The following ZFHX3 variants were observed in gnomAD, a reference collection of about 807,000 sequenced individuals.
ZFHX3 encodes zinc finger homeobox 3, also known as zinc finger homeobox protein 3.
Under a neutral mutation model 279.1 loss-of-function variants are expected in ZFHX3, and 42 were observed. That is an observed-to-expected ratio of 0.15 (90% CI 0.12 to 0.19). ZFHX3 has a LOEUF of 0.19. ZFHX3 is among the 10% of genes least tolerant of loss of function. The pLI is 1.00. For missense variants in ZFHX3, 4,981 were observed against 4,754.0 expected, an observed-to-expected ratio of 1.05 and a Z score of -1.40; for synonymous variants, 2,293 against 1,957.8, an observed-to-expected ratio of 1.17 and a Z score of -4.52.
chr16:73,539,355 C>G (rs2019968159), intron 2 of ZFHX3, among the ~76,000 whole-genome samples: 1 of 151,606 alleles, frequency 6.6e-6, no homozygotes, highest in South Asian at 2.1e-4. Context: ...AGCCCCCAAC[C>G]CCCTGAACAT....
intron 5 of ZFHX3, among the ~76,000 whole-genome samples, chr16:73,194,330 G>A (rs1016961621): frequency 6.6e-6 from 1 of 152,088 alleles, no homozygotes; most frequent in Non-Finnish European, 1.5e-5. Context: ...CTCCAGAGTA[G>A]CTGGCACTAT....
At chr16:73,644,193 G>A (rs2052597865) in intron 2 of ZFHX3, among the ~76,000 whole-genome samples, 2 of 151,970 alleles carry the variant, frequency 1.3e-5, no homozygotes, top group Non-Finnish European at 2.9e-5. Flanking sequence ...TCTTGGTTAA[G>A]GCATTAAAAT....
At chr16:72,904,247 T>C (rs2039111580) in intron 3 of ZFHX3, among the ~76,000 whole-genome samples, 1 of 151,794 alleles carries the variant, frequency 6.6e-6, no homozygotes, top group African/African-American at 2.4e-5. Context: ...GCTCCTATAA[T>C]CCCAGCTACT....
chr16:73,058,427 C>T, intron 1 of ZFHX3: 1 of 178,058 alleles, frequency 5.6e-6, no homozygotes, highest in Non-Finnish European at 1.1e-5. Context: ...GCAGCCCGGG[C>T]GCCCCGAGGA....
At chr16:73,500,776 G>A (rs2019225226) in intron 2 of ZFHX3, among the ~76,000 whole-genome samples, 1 of 141,028 alleles carries the variant, frequency 7.1e-6, no homozygotes, top group South Asian at 2.3e-4. Context: ...GTTTTAAGCT[G>A]TGTTATTCCA....
At chr16:73,031,227 G>A (rs957883823) in intron 1 of ZFHX3, among the ~76,000 whole-genome samples, 15 of 152,074 alleles carry the variant, frequency 9.9e-5, no homozygotes, top group Admixed American at 1.3e-4. Flanking sequence ...ATTAATCTTC[G>A]TTTGAAAATG....
chr16:72,974,568 A>AACACACACACACACACAC lies in ZFHX3; in HGVS notation c.-49-14392_-49-14375dup, dbSNP rs59350988. ...CCCTTTGGAGGCTCACTGATAGGGC[A>AACACACACACACACACAC]ACACACACACACACACACACACACA... On this transcript the variant is annotated intron_variant, in intron 1 of 9. Transcript: ENST00000268489. Among the ~76,000 whole-genome samples the AACACACACACACACACAC allele has an allele frequency of 8.2e-3, 1,214 of 148,336 alleles. 18 individuals are homozygous for AACACACACACACACACAC. Among genetic ancestry groups the AACACACACACACACACAC allele is most frequent in the African/African-American group, 0.026 (1,028 of 40,056 alleles).
intron 1 of ZFHX3, among the ~76,000 whole-genome samples, chr16:73,848,037 G>A (rs1275400150): frequency 6.6e-6 from 1 of 151,178 alleles, no homozygotes; most frequent in Non-Finnish European, 1.5e-5. Context: ...GGGATTACAG[G>A]CGTGAGCCAC....
intron 1 of ZFHX3, among the ~76,000 whole-genome samples, chr16:73,749,679 A>T (rs745873684): frequency 1.3e-5 from 2 of 152,210 alleles, no homozygotes; most frequent in African/African-American, 4.8e-5. Context: ...CAGGGAAGAG[A>T]AAAGGCAGGA....
chr16:73,534,067 C>T (rs1013551644), intron 2 of ZFHX3, among the ~76,000 whole-genome samples: 1 of 152,152 alleles, frequency 6.6e-6, no homozygotes, highest in African/African-American at 2.4e-5. Context: ...GATGGCTCCT[C>T]CTTTCATTCA....
intron 5 of ZFHX3, among the ~76,000 whole-genome samples, chr16:73,206,932 C>A (rs997969989): frequency 2.0e-5 from 3 of 151,854 alleles, no homozygotes; most frequent in Non-Finnish European, 2.9e-5. Flanking sequence ...GTGGGAGAAT[C>A]ACTTGAACCT....
chr16:73,172,919 G>C (rs1475852616), intron 5 of ZFHX3, among the ~76,000 whole-genome samples: 2 of 148,298 alleles, frequency 1.3e-5, no homozygotes, highest in East Asian at 4.0e-4. Flanking sequence ...TCTCATGGTG[G>C]GGCTGCCTGT....
chr16:72,943,519 G>A (rs1327010360), intron 3 of ZFHX3, among the ~76,000 whole-genome samples: 1 of 152,102 alleles, frequency 6.6e-6, no homozygotes, highest in Non-Finnish European at 1.5e-5. Flanking sequence ...GTGACAGAGT[G>A]AGACCCAGTC....
At chr16:73,156,218 T>TGA (rs1967079136) in intron 5 of ZFHX3, among the ~76,000 whole-genome samples, 1 of 120,316 alleles carries the variant, frequency 8.3e-6, no homozygotes, top group Admixed American at 1.1e-4. Flanking sequence ...GGCGACAGAG[T>TGA]GAGACTCCCT....
At chr16:73,535,297 G>A (rs967396043) in intron 2 of ZFHX3, among the ~76,000 whole-genome samples, 7 of 152,122 alleles carry the variant, frequency 4.6e-5, no homozygotes, top group Non-Finnish European at 1.0e-4. Flanking sequence ...TTATTTAATC[G>A]TAAGTTTAAT....
At chr16:73,756,656 A>G (rs1188339553) in intron 1 of ZFHX3, among the ~76,000 whole-genome samples, 1 of 152,154 alleles carries the variant, frequency 6.6e-6, no homozygotes, top group African/African-American at 2.4e-5. Flanking sequence ...GAATAGGATG[A>G]CATTTCTAAG....
At chr16:73,653,028 T>C (rs896345068) in intron 2 of ZFHX3, among the ~76,000 whole-genome samples, 6 of 151,912 alleles carry the variant, frequency 3.9e-5, no homozygotes, top group East Asian at 1.9e-4. Context: ...ACTAAGAAGA[T>C]AGAAAAAGAA....
At chr16:73,105,444 C>CACACACACAT (rs1567389929) in intron 7 of ZFHX3, among the ~76,000 whole-genome samples, 10 of 125,524 alleles carry the variant, frequency 8.0e-5, no homozygotes, top group East Asian at 6.6e-4. Context: ...CACACACACA[C>CACACACACAT]ATATATATAT....
intron 2 of ZFHX3, among the ~76,000 whole-genome samples, chr16:73,664,930 T>C (rs1439272739): frequency 6.6e-6 from 1 of 152,208 alleles, no homozygotes; most frequent in Non-Finnish European, 1.5e-5. Flanking sequence ...ATTTAAAATA[T>C]GTAATGGGAT....
Sources: allele counts gnomAD v4.1 joint callset (sites outside exome capture counted in the v4.1 genomes callset), GRCh38; gene constraint gnomAD v4.1.1; transcripts MANE v1.5; gene names NCBI Gene and HGNC (gene_info 2026-07-23, HGNC 2026-07-21).